The following CNTNAP2 variants were observed in gnomAD, a reference collection of about 807,000 sequenced individuals.
CNTNAP2 encodes the protein contactin-associated protein-like 2.
In CNTNAP2, 98 loss-of-function variants were observed where a neutral mutation model predicts 155.2. That is an observed-to-expected ratio of 0.63 (90% CI 0.54 to 0.75). CNTNAP2 has a LOEUF of 0.75. Ranked by LOEUF, CNTNAP2 falls within the 30% of genes least tolerant of loss-of-function variation. The pLI, the probability that CNTNAP2 is intolerant of heterozygous loss-of-function variation, is 0.00. For missense variants in CNTNAP2, 1,727 were observed against 1,688.1 expected, an observed-to-expected ratio of 1.02 and a Z score of -0.40; for synonymous variants, 651 against 631.2, an observed-to-expected ratio of 1.03 and a Z score of -0.47.
chr7:147,774,134 A>C (rs1335649194), intron 13 of CNTNAP2, among the ~76,000 whole-genome samples: 2 of 152,022 alleles, frequency 1.3e-5, no homozygotes. Context: ...TTTCTGCTTT[A>C]TTTTGGTCTC....
At chr7:147,603,500 A>G (rs1036204544) in intron 12 of CNTNAP2, among the ~76,000 whole-genome samples, 3 of 152,208 alleles carry the variant, frequency 2.0e-5, no homozygotes, top group African/African-American at 7.2e-5. Context: ...AATACCTGGG[A>G]ATCCAACTTA....
At chr7:146,843,427 A>T (rs1360209780) in intron 3 of CNTNAP2, among the ~76,000 whole-genome samples, 2 of 152,142 alleles carry the variant, frequency 1.3e-5, no homozygotes, top group Non-Finnish European at 2.9e-5. Context: ...CCCTCTTCCA[A>T]CACTGGGGAT....
intron 16 of CNTNAP2, among the ~76,000 whole-genome samples, chr7:148,127,027 G>A (rs1309635932): frequency 1.3e-5 from 2 of 152,170 alleles, no homozygotes; most frequent in Non-Finnish European, 2.9e-5. Context: ...ATTTTAGTCT[G>A]GGCACGGTGG....
intron 3 of CNTNAP2, among the ~76,000 whole-genome samples, chr7:147,016,414 ATAGAGTCTTCTG>A (rs1304026083): frequency 6.6e-6 from 1 of 152,090 alleles, no homozygotes; most frequent in African/African-American, 2.4e-5. Flanking sequence ...CTTGTTCATG[ATAGAGTCTTCTG>A]TAGAAAATCT....
chr7:147,490,713 G>A (rs932239408), intron 11 of CNTNAP2, among the ~76,000 whole-genome samples: 1 of 152,112 alleles, frequency 6.6e-6, no homozygotes, highest in Non-Finnish European at 1.5e-5. Flanking sequence ...GAATTGCGTT[G>A]GATATGGTAT....
intron 1 of CNTNAP2, among the ~76,000 whole-genome samples, chr7:146,753,976 C>T (rs900283443): frequency 3.9e-5 from 6 of 151,978 alleles, no homozygotes; most frequent in Non-Finnish European, 5.9e-5. Flanking sequence ...GCTATTTCTA[C>T]ATCTATTTTT....
At chr7:147,917,923 G>A (rs12673711) in intron 14 of CNTNAP2, among the ~76,000 whole-genome samples, 42,616 of 151,874 alleles carry the variant, frequency 0.28, 6,361 homozygotes, top group East Asian at 0.52. Flanking sequence ...TTTTCTCATC[G>A]CTGGTCCTTT....
Position 146,318,045 on chromosome 7 carries a change from G to C in CNTNAP2, c.97+201072G>C, listed in dbSNP as rs769214903. Among the ~76,000 whole-genome samples the C allele has an allele frequency of 1.2e-4, 18 of 151,984 alleles. No homozygotes were observed. The South Asian group carries it at 1.7e-3, about 14-fold the overall frequency. Reference sequence around the variant, plus strand: ...AGTCCCAGCTACTGTGGAGGCTGAGGCAGGAGAATCGCTTGAACCCGGTAG... The same window carrying C: ...AGTCCCAGCTACTGTGGAGGCTGAGCCAGGAGAATCGCTTGAACCCGGTAG... On this transcript the variant is annotated intron_variant, in intron 1 of 23. Coordinates refer to ENST00000361727, the MANE Select transcript of CNTNAP2 (RefSeq NM_014141.6).
chr7:147,743,209 GC>G (rs1796980910), intron 13 of CNTNAP2, among the ~76,000 whole-genome samples: 1 of 152,138 alleles, frequency 6.6e-6, no homozygotes, highest in African/African-American at 2.4e-5. Flanking sequence ...CTGGTCATAT[GC>G]GATGTCCACT....
At chr7:146,428,203 C>A (rs1187193733) in intron 1 of CNTNAP2, among the ~76,000 whole-genome samples, 1 of 152,092 alleles carries the variant, frequency 6.6e-6, no homozygotes, top group Non-Finnish European at 1.5e-5. Context: ...CTGCAATGAA[C>A]ATACACATGT....
At chr7:148,313,434 G>A (rs558046638) in intron 21 of CNTNAP2, among the ~76,000 whole-genome samples, 9 of 151,520 alleles carry the variant, frequency 5.9e-5, no homozygotes, top group South Asian at 2.1e-4. Flanking sequence ...GTGGGGTCCC[G>A]CACAGATGGG....
chr7:146,149,204 A>G (rs533032163), intron 1 of CNTNAP2, among the ~76,000 whole-genome samples: 2 of 151,832 alleles, frequency 1.3e-5, no homozygotes, highest in East Asian at 3.9e-4. Flanking sequence ...TTGGACCACA[A>G]AAAAAAATAT....
At chr7:146,703,448 T>A (rs1407257171) in intron 1 of CNTNAP2, among the ~76,000 whole-genome samples, 2 of 152,124 alleles carry the variant, frequency 1.3e-5, no homozygotes, top group African/African-American at 4.8e-5. Flanking sequence ...TATTAATTAG[T>A]CTCCAAACTC....
At chr7:147,282,806 A>G (rs947200631) in intron 8 of CNTNAP2, among the ~76,000 whole-genome samples, 1 of 151,820 alleles carries the variant, frequency 6.6e-6, no homozygotes, top group Non-Finnish European at 1.5e-5. Flanking sequence ...CTGTTGTCCA[A>G]GCTGGTCTTG....
At chr7:147,248,070 G>A (rs1804107316) in intron 8 of CNTNAP2, among the ~76,000 whole-genome samples, 1 of 151,598 alleles carries the variant, frequency 6.6e-6, no homozygotes, top group African/African-American at 2.4e-5. Context: ...TCCACAGAGG[G>A]GTAGAAATAG....
chr7:147,355,440 T>A (rs902345131), intron 9 of CNTNAP2, among the ~76,000 whole-genome samples: 10 of 151,310 alleles, frequency 6.6e-5, no homozygotes, highest in African/African-American at 2.4e-4. Flanking sequence ...ATAACTAAGA[T>A]CATAGCAGAA....
intron 21 of CNTNAP2, among the ~76,000 whole-genome samples, chr7:148,348,483 A>T (rs186406099): frequency 6.6e-6 from 1 of 152,228 alleles, no homozygotes; most frequent in Non-Finnish European, 1.5e-5. Flanking sequence ...GCAACTTAAC[A>T]TAAATATGGA....
intron 1 of CNTNAP2, among the ~76,000 whole-genome samples, chr7:146,348,741 C>T (rs548685387): frequency 8.5e-5 from 12 of 141,528 alleles, no homozygotes; most frequent in East Asian, 3.9e-4. Flanking sequence ...TAACAGATTT[C>T]GATATCTTGT....
intron 1 of CNTNAP2, among the ~76,000 whole-genome samples, chr7:146,640,664 G>A (rs1386095569): frequency 6.6e-6 from 1 of 152,190 alleles, no homozygotes; most frequent in Non-Finnish European, 1.5e-5. Context: ...AGCACCTACT[G>A]TAATTGCTTC....
Sources: gnomAD v4.1 joint callset for allele counts (sites outside exome capture counted in the v4.1 genomes callset) on GRCh38, gnomAD v4.1.1 for gene constraint, MANE v1.5 for transcripts, NCBI Gene and HGNC (gene_info 2026-07-23, HGNC 2026-07-21) for gene names.